The following DGKH variants were observed in gnomAD, a reference collection of about 807,000 sequenced individuals.
DGKH encodes diacylglycerol kinase eta.
DGKH carries 90 observed loss-of-function variants against 159.3 expected under a neutral mutation model. The observed-to-expected ratio is 0.57, with a 90% CI of 0.48 to 0.67. DGKH has a LOEUF of 0.67. Ranked by LOEUF, DGKH falls within the 30% of genes least tolerant of loss-of-function variation. The pLI is 0.00. For synonymous variants in DGKH, 536 were observed against 553.8 expected, an observed-to-expected ratio of 0.97 and a Z score of 0.45; for missense variants, 1,181 against 1,506.1, an observed-to-expected ratio of 0.78 and a Z score of 3.57.
rs551562776 is a variant in DGKH at position 42,145,525 on chromosome 13, T to C, written c.385-9766T>C. Among the ~76,000 whole-genome samples the C allele has an allele frequency of 6.6e-5, 10 of 151,722 alleles. 1 individual carries two copies. Among genetic ancestry groups the C allele is most frequent in the African/African-American group, 2.4e-4 (10 of 41,368 alleles). On this transcript the variant is annotated intron_variant, in intron 3 of 29. Transcript: ENST00000337343. ...ACTGAGATGGAACTCAAGGCAGAAG[T>C]TAGTCTTTGTATCTTGGAAATAAAC...
chr13:42,064,981 A>G (rs1354404523), intron 1 of DGKH, among the ~76,000 whole-genome samples: 1 of 152,142 alleles, frequency 6.6e-6, no homozygotes, highest in Non-Finnish European at 1.5e-5. Context: ...TTCAAACCTT[A>G]CTTTTCCTCA....
intron 3 of DGKH, among the ~76,000 whole-genome samples, chr13:42,133,385 G>A (rs1955332046): frequency 6.6e-6 from 1 of 151,902 alleles, no homozygotes; most frequent in South Asian, 2.1e-4. Context: ...TATTTTTTTA[G>A]TTTACTGGAC....
Position 42,155,615 on chromosome 13 carries a change from C to T in DGKH, c.490-52C>T, listed in dbSNP as rs915422340. On this transcript the variant is annotated intron_variant, in intron 4 of 29. Transcript: ENST00000337343. ...ATATGCATTCCAAACAGTTCAGCATCTGTAGCCTTGTTCACTGGCTTGGCA... is the reference window on the plus strand; with the variant it reads ...ATATGCATTCCAAACAGTTCAGCATTTGTAGCCTTGTTCACTGGCTTGGCA... 10 of 1,612,982 alleles carry T rather than the reference C, an allele frequency of 6.2e-6. No homozygotes were observed. In the Admixed American group the frequency reaches 1.2e-4, roughly 19 times the overall value.
downstream of DGKH, among the ~76,000 whole-genome samples, chr13:42,247,860 C>G (rs370473183): frequency 1.5e-5 from 2 of 130,682 alleles, no homozygotes; most frequent in African/African-American, 5.7e-5. Flanking sequence ...AAAGAAAAAG[C>G]TTTTGTATAA....
chr13:42,217,950 C>T (rs1006148129), intron 26 of DGKH, among the ~76,000 whole-genome samples: 6 of 152,174 alleles, frequency 3.9e-5, no homozygotes, highest in African/African-American at 1.4e-4. Context: ...ACGAGAATTG[C>T]TTGAACCCAG....
At chr13:42,055,674 C>G (rs1047314991) in intron 1 of DGKH, among the ~76,000 whole-genome samples, 2 of 152,136 alleles carry the variant, frequency 1.3e-5, no homozygotes, top group Non-Finnish European at 2.9e-5. Context: ...ATTTGTTAGG[C>G]TTTACTTACT....
In DGKH at chr13:42,216,906, C is replaced by T. The variant is rs140729514; in HGVS notation, c.3213+1239C>T. On this transcript the variant is annotated intron_variant, in intron 26 of 29. Coordinates refer to ENST00000337343, the MANE Select transcript of DGKH (RefSeq NM_178009.5). Reference sequence around the variant, plus strand: ...GACGATCATTTCTTACAACTAAAAGCATAATTTATTCTGTACTTATTTTCT... The same window carrying T: ...GACGATCATTTCTTACAACTAAAAGTATAATTTATTCTGTACTTATTTTCT... 7.6e-4 allele frequency among the ~76,000 whole-genome samples: 115 copies of T among 152,244 alleles called. No homozygotes were observed. In the East Asian group the frequency reaches 0.012, roughly 16 times the overall value.
intron 1 of DGKH, among the ~76,000 whole-genome samples, chr13:42,086,022 G>A (rs987119501): frequency 1.1e-4 from 16 of 151,944 alleles, no homozygotes; most frequent in African/African-American, 1.9e-4. Context: ...GGGTTCAAGC[G>A]ATTCTCGTGC....
chr13:42,069,622 C>A, intron 1 of DGKH: 1 of 1,434,848 alleles, frequency 7.0e-7, no homozygotes, highest in Non-Finnish European at 9.6e-7. Context: ...TTTTGATTTT[C>A]TTTTCTTATC....
At chr13:42,212,571 G>A (rs1265167766) in intron 24 of DGKH, among the ~76,000 whole-genome samples, 1 of 152,120 alleles carries the variant, frequency 6.6e-6, no homozygotes, top group Non-Finnish European at 1.5e-5. Context: ...TAAAAAGGAA[G>A]CGAAGATTGA....
At chr13:42,135,551 T>A (rs1955387842) in intron 3 of DGKH, among the ~76,000 whole-genome samples, 3 of 146,430 alleles carry the variant, frequency 2.0e-5, no homozygotes, top group African/African-American at 7.4e-5. Context: ...TTATTTGTAG[T>A]TTAAGTTCTA....
chr13:42,219,749 T>C lies in DGKH; in HGVS notation c.3397T>C (p.Phe1133Leu). ...CACCGTATTTCGAATAGTGCCAAAG[T>C]TTAAAAAGGAAAAGGTTCAGAAGCA... ...RSTVFRIVPK[F>L]KKEKVQKQKT... is the part of the protein sequence containing the mutation. The change falls in exon 28 of 30, where the codon TTT becomes CTT. Residue 1133 changes from phenylalanine to leucine, a missense_variant. Physicochemically the swap from Phe to Leu is conservative, Grantham distance 22. Coordinates refer to ENST00000337343, the MANE Select transcript of DGKH (RefSeq NM_178009.5). 6.2e-7 allele frequency: 1 copy of C among 1,613,598 alleles called. No homozygotes were observed. Among genetic ancestry groups the C allele is most frequent in the Non-Finnish European group, 8.5e-7 (1 of 1,179,742 alleles).
Position 42,242,515 on chromosome 13 carries a change from T to C in DGKH, c.*13327T>C, listed in dbSNP as rs1958533294. On this transcript the variant is annotated 3_prime_UTR_variant, in exon 30 of 30. Coordinates refer to ENST00000337343, the MANE Select transcript of DGKH (RefSeq NM_178009.5). Reference sequence around the variant, plus strand: ...TTTAGTAATGGTAAGACAACGTGAGTTTTGTTTGTTTACATGCTGTTTACA... The same window carrying C: ...TTTAGTAATGGTAAGACAACGTGAGCTTTGTTTGTTTACATGCTGTTTACA... 6.6e-6 allele frequency: 1 copy of C among 152,152 alleles called. No individual in the cohort carries two copies. Among genetic ancestry groups the C allele is most frequent in the Admixed American group, 6.5e-5 (1 of 15,284 alleles). The allele number at this position is 152,152 out of a possible 1,614,324, so 9.4% of individuals were successfully genotyped here.
intron 20 of DGKH, among the ~76,000 whole-genome samples, chr13:42,203,652 A>T (rs1957396937): frequency 6.6e-6 from 1 of 152,158 alleles, no homozygotes; most frequent in African/African-American, 2.4e-5. Context: ...TTGCAACATC[A>T]TGAACCACAA....
intron 1 of DGKH, among the ~76,000 whole-genome samples, chr13:42,106,941 G>A (rs1954771507): frequency 6.6e-6 from 1 of 152,160 alleles, no homozygotes; most frequent in Non-Finnish European, 1.5e-5. Flanking sequence ...CTACTCGGAA[G>A]GTTGAGGCAG....
chr13:42,105,670 C>G (rs1025852157), intron 1 of DGKH, among the ~76,000 whole-genome samples: 47 of 152,270 alleles, frequency 3.1e-4, no homozygotes, highest in Non-Finnish European at 6.2e-4. Flanking sequence ...CATGCTAGCT[C>G]AGGTTTTCTT....
downstream of DGKH, among the ~76,000 whole-genome samples, chr13:42,243,226 T>G (rs1484954553): frequency 2.6e-5 from 4 of 152,202 alleles, no homozygotes; most frequent in South Asian, 2.1e-4. Flanking sequence ...CTTCTATACT[T>G]TTATCATTTC....
chr13:42,122,399 T>C (rs540184164), intron 1 of DGKH, among the ~76,000 whole-genome samples: 1 of 152,304 alleles, frequency 6.6e-6, no homozygotes, highest in South Asian at 2.1e-4. Flanking sequence ...TGGCAGGGAC[T>C]CTCTGCAGAG....
chr13:42,189,049 A>G lies in DGKH; in HGVS notation c.1652A>G (p.Asn551Ser). 6.2e-7 allele frequency: 1 copy of G among 1,614,160 alleles called. No homozygotes were observed. The highest frequency in any genetic ancestry group is 8.5e-7 in the Non-Finnish European group (1 of 1,180,016). The change falls in exon 15 of 30, where the codon AAC becomes AGC. Residue 551 changes from asparagine to serine, a missense_variant. This residue lies in a region of DGKH where 257 missense variants were observed against 281.5 expected (regional missense o/e 0.91). Coordinates refer to ENST00000337343, the MANE Select transcript of DGKH (RefSeq NM_178009.5). ...DAVASKCSVL[N>S]EKLEQLLQAL... ...TTTTCCTCTCAGTGTTCAGTCCTAAACGAGAAGCTCGAACAACTGCTGCAG... is the reference window on the plus strand; with the variant it reads ...TTTTCCTCTCAGTGTTCAGTCCTAAGCGAGAAGCTCGAACAACTGCTGCAG...
Sources: gnomAD v4.1 joint callset for allele counts (sites outside exome capture counted in the v4.1 genomes callset) on GRCh38, gnomAD v4.1.1 for gene constraint, gnomAD v4.1.1 regional missense constraint, MANE v1.5 for transcripts, NCBI Gene and HGNC (gene_info 2026-07-23, HGNC 2026-07-21) for gene names.